STAU2: variants seen among roughly 807,000 people sequenced by gnomAD.
STAU2 encodes the protein staufen double-stranded RNA binding protein 2.
In STAU2, 20 loss-of-function variants were observed where a neutral mutation model predicts 65.9. That is an observed-to-expected ratio of 0.30 (90% CI 0.21 to 0.44). The LOEUF is 0.44. Ranked by LOEUF, STAU2 falls within the 20% of genes least tolerant of loss-of-function variation. The probability of loss-of-function intolerance (pLI) is 1.00; values close to 1 mark genes in which losing one functional copy is unlikely to be tolerated. For synonymous variants in STAU2, 232 were observed against 233.9 expected, an observed-to-expected ratio of 0.99 and a Z score of 0.07; for missense variants, 558 against 683.9, an observed-to-expected ratio of 0.82 and a Z score of 2.05.
At chr8:73,496,250 A>G (rs1452515817) in intron 13 of STAU2, among the ~76,000 whole-genome samples, 1 of 151,484 alleles carries the variant, frequency 6.6e-6, no homozygotes, top group Non-Finnish European at 1.5e-5. Context: ...AATGTTTAGA[A>G]AATTCCAAGA....
rs367669479 is a variant in STAU2, at chr8:73,739,859, T to C, written c.-187A>G. The C allele has an allele frequency of 8.6e-7, 1 of 1,156,910 alleles. No homozygotes were observed. The highest frequency in any genetic ancestry group is 1.2e-6 in the Non-Finnish European group (1 of 802,542). The allele number at this position is 1,156,910 out of a possible 1,614,324, so 71.7% of individuals were successfully genotyped here. A position where few individuals can be genotyped will look rare whatever the true frequency, so the allele number is the denominator to read the frequency against. On this transcript the variant is annotated 5_prime_UTR_variant, in exon 2 of 15. Coordinates refer to ENST00000524300, the MANE Select transcript of STAU2 (RefSeq NM_001164380.2). ...AAAAAGTAAGCTAAAGTCCTTGTGG[T>C]AGGCAGCCTCTAACAAATAGAATAT...
intron 13 of STAU2, among the ~76,000 whole-genome samples, chr8:73,513,629 T>C (rs904687226): frequency 6.6e-6 from 1 of 152,186 alleles, no homozygotes; most frequent in Non-Finnish European, 1.5e-5. Flanking sequence ...TCCCTATCAC[T>C]GTGCCATTTT....
At chr8:73,593,175 CA>C in intron 11 of STAU2, among the ~76,000 whole-genome samples, 1 of 152,202 alleles carries the variant, frequency 6.6e-6, no homozygotes, top group Non-Finnish European at 1.5e-5. Context: ...CTCACCTAAA[CA>C]ACTCTGGTTG....
intron 4 of STAU2, among the ~76,000 whole-genome samples, chr8:73,699,658 G>A (rs1819943838): frequency 6.6e-6 from 1 of 151,942 alleles, no homozygotes; most frequent in Non-Finnish European, 1.5e-5. Flanking sequence ...AACAAGTGAG[G>A]AGATCAAAGC....
At chr8:73,539,018 A>G (rs1328744821) in intron 13 of STAU2, among the ~76,000 whole-genome samples, 2 of 152,204 alleles carry the variant, frequency 1.3e-5, no homozygotes, top group Non-Finnish European at 2.9e-5. Context: ...TCTGTGCAGC[A>G]TTTGACACAG....
chr8:73,489,474 A>T (rs1411750805), intron 13 of STAU2, among the ~76,000 whole-genome samples: 1 of 151,988 alleles, frequency 6.6e-6, no homozygotes, highest in Non-Finnish European at 1.5e-5. Flanking sequence ...TAACAATCTG[A>T]GTTTAACTAC....
intron 9 of STAU2, among the ~76,000 whole-genome samples, chr8:73,605,077 A>G (rs994170311): frequency 6.6e-6 from 1 of 152,182 alleles, no homozygotes; most frequent in African/African-American, 2.4e-5. Context: ...AGCAGTGAAA[A>G]TGAATTAATT....
chr8:73,723,323 T>C (rs1185598104), intron 3 of STAU2, among the ~76,000 whole-genome samples: 1 of 152,252 alleles, frequency 6.6e-6, no homozygotes, highest in African/African-American at 2.4e-5. Context: ...ATCAACATTA[T>C]GACAAAATGA....
At chr8:73,663,402 G>A (rs1253355151) in intron 6 of STAU2, among the ~76,000 whole-genome samples, 7 of 152,158 alleles carry the variant, frequency 4.6e-5, no homozygotes, top group African/African-American at 1.4e-4. Context: ...ATGGGCTATA[G>A]TTTGCCAACT....
At chr8:73,501,913 G>A (rs1434810252) in intron 13 of STAU2, among the ~76,000 whole-genome samples, 2 of 151,886 alleles carry the variant, frequency 1.3e-5, no homozygotes, top group Non-Finnish European at 2.9e-5. Flanking sequence ...TATTATTCCA[G>A]AGAGGAAAAA....
intron 13 of STAU2, among the ~76,000 whole-genome samples, chr8:73,535,868 T>C (rs549954297): frequency 6.6e-6 from 1 of 152,354 alleles, no homozygotes; most frequent in Admixed American, 6.5e-5. Context: ...ATTTCTAATG[T>C]ATTACAATTC....
intron 8 of STAU2, among the ~76,000 whole-genome samples, chr8:73,615,237 TCTTA>T: frequency 6.6e-6 from 1 of 152,262 alleles, no homozygotes; most frequent in Admixed American, 6.5e-5. Context: ...CTTCATTACA[TCTTA>T]CTTCTTGGTG....
At chr8:73,482,420 G>T (rs1469666932) in intron 13 of STAU2, among the ~76,000 whole-genome samples, 3 of 152,020 alleles carry the variant, frequency 2.0e-5, no homozygotes, top group East Asian at 1.9e-4. Flanking sequence ...TTATTTTCAG[G>T]TATCTCTAGG....
At chr8:73,711,298 T>C (rs1056384335) in intron 3 of STAU2, among the ~76,000 whole-genome samples, 7 of 152,104 alleles carry the variant, frequency 4.6e-5, no homozygotes, top group African/African-American at 1.7e-4. Flanking sequence ...TCAGTCGTTA[T>C]AAGAAAATAC....
At chr8:73,723,141 C>CAA (rs1398177292) in intron 3 of STAU2, among the ~76,000 whole-genome samples, 4 of 151,926 alleles carry the variant, frequency 2.6e-5, no homozygotes, top group Non-Finnish European at 2.9e-5. Context: ...CACACACACA[C>CAA]AACAGACTAA....
chr8:73,735,670 G>A (rs998152300), intron 3 of STAU2, among the ~76,000 whole-genome samples: 1 of 152,126 alleles, frequency 6.6e-6, no homozygotes, highest in African/African-American at 2.4e-5. Flanking sequence ...TACTCAACCT[G>A]TACAATTTAA....
chr8:73,741,896 C>T (rs926096350), intron 1 of STAU2, among the ~76,000 whole-genome samples: 2 of 152,160 alleles, frequency 1.3e-5, no homozygotes, highest in African/African-American at 2.4e-5. Flanking sequence ...ATTAACCATA[C>T]GATTTAAATA....
intron 13 of STAU2, among the ~76,000 whole-genome samples, chr8:73,428,449 A>C (rs957306207): frequency 6.6e-6 from 1 of 152,102 alleles, no homozygotes; most frequent in Admixed American, 6.6e-5. Context: ...ATATCTCTTG[A>C]CACACAAATT....
intron 4 of STAU2, 83 bp downstream of exon 4, chr8:73,708,949 C>A: frequency 1.5e-6 from 2 of 1,347,980 alleles, no homozygotes; most frequent in Non-Finnish European, 1.9e-6. Flanking sequence ...CCCCACTCCC[C>A]AAAATAAAGC....
Sources: gnomAD v4.1 joint callset for allele counts (sites outside exome capture counted in the v4.1 genomes callset) on GRCh38, gnomAD v4.1.1 for gene constraint, MANE v1.5 for transcripts, NCBI Gene and HGNC (gene_info 2026-07-23, HGNC 2026-07-21) for gene names.